Variants in TFDP2 observed in about 807,000 individuals in gnomAD.
The protein encoded by TFDP2 is transcription factor Dp-2 (E2F dimerization partner 2).
Under a neutral mutation model 59.3 loss-of-function variants are expected in TFDP2, and 17 were observed. The ratio of observed to expected loss-of-function variants is 0.29; its 90% CI spans 0.20 to 0.43. TFDP2 has a LOEUF of 0.43. Ranked by LOEUF, TFDP2 falls within the 20% of genes least tolerant of loss-of-function variation. The pLI, the probability that TFDP2 is intolerant of heterozygous loss-of-function variation, is 1.00. For synonymous variants in TFDP2, 180 were observed against 194.7 expected, an observed-to-expected ratio of 0.92 and a Z score of 0.63; for missense variants, 391 against 528.8, an observed-to-expected ratio of 0.74 and a Z score of 2.56.
chr3:142,111,883 T>G (rs2061677810), intron 1 of TFDP2, among the ~76,000 whole-genome samples: 1 of 152,042 alleles, frequency 6.6e-6, no homozygotes, highest in African/African-American at 2.4e-5. Context: ...TTGGACAACA[T>G]AGCGAAACCC....
rs78624887 is a variant in TFDP2 at position 142,023,661 on chromosome 3, T to C, written c.83-18117A>G. Among the ~76,000 whole-genome samples, 455 of 152,346 alleles carry C rather than the reference T, an allele frequency of 3.0e-3. 5 individuals carry two copies. Among genetic ancestry groups the C allele is most frequent in the East Asian group, 0.026 (135 of 5,190 alleles). ...GCTCACTCAAAACTGCAGTAAGTTA[T>C]TGATATTATAATCTCAACAATATAT... On this transcript the variant is annotated intron_variant, in intron 3 of 12. Transcript: ENST00000489671.
chr3:141,981,790 G>T (rs761798049), intron 6 of TFDP2, among the ~76,000 whole-genome samples: 1 of 152,100 alleles, frequency 6.6e-6, no homozygotes, highest in Non-Finnish European at 1.5e-5. Context: ...CAACTGAGAG[G>T]GTATTGCAAT....
intron 3 of TFDP2, among the ~76,000 whole-genome samples, chr3:142,025,059 T>C (rs967871514): frequency 6.6e-6 from 1 of 152,032 alleles, no homozygotes; most frequent in Non-Finnish European, 1.5e-5. Context: ...ATATTTAAAT[T>C]GATTATGACT....
At chr3:142,118,207 A>G (rs1241450362) in intron 1 of TFDP2, among the ~76,000 whole-genome samples, 5 of 152,178 alleles carry the variant, frequency 3.3e-5, no homozygotes, top group Admixed American at 1.3e-4. Context: ...TACCATCATC[A>G]CTACAAATTC....
At chr3:142,023,137 A>G (rs576521681) in intron 3 of TFDP2, among the ~76,000 whole-genome samples, 44 of 151,142 alleles carry the variant, frequency 2.9e-4, no homozygotes, top group African/African-American at 1.0e-3. Flanking sequence ...AAAAAAAAAA[A>G]AAAAAAGAAA....
At chr3:141,991,468 T>TA (rs1294513521) in intron 6 of TFDP2, among the ~76,000 whole-genome samples, 3 of 151,566 alleles carry the variant, frequency 2.0e-5, no homozygotes, top group South Asian at 2.1e-4. Context: ...AAGTAAAAAA[T>TA]AAAAAAAAGG....
intron 9 of TFDP2, among the ~76,000 whole-genome samples, chr3:141,968,700 CAT>C (rs1415424834): frequency 9.5e-6 from 1 of 104,752 alleles, no homozygotes; most frequent in Admixed American, 1.2e-4. Context: ...ATATATAACA[CAT>C]ATATATCTCA....
intron 3 of TFDP2, among the ~76,000 whole-genome samples, chr3:142,038,696 T>A (rs923279726): frequency 6.6e-6 from 1 of 152,130 alleles, no homozygotes; most frequent in Admixed American, 6.6e-5. Flanking sequence ...ACAATTAATG[T>A]TTTGTGTACA....
intron 1 of TFDP2, among the ~76,000 whole-genome samples, chr3:142,144,799 C>A (rs2063107187): frequency 6.6e-6 from 1 of 152,184 alleles, no homozygotes; most frequent in Non-Finnish European, 1.5e-5. Context: ...CTCGGCCTCC[C>A]AAAGCACTGG....
At chr3:142,129,221 A>G (rs2062397739) in intron 1 of TFDP2, among the ~76,000 whole-genome samples, 1 of 152,122 alleles carries the variant, frequency 6.6e-6, no homozygotes, top group South Asian at 2.1e-4. Flanking sequence ...AAAATCAACC[A>G]ACAGCAAAGG....
chr3:141,996,790 A>G (rs995887884), intron 4 of TFDP2, among the ~76,000 whole-genome samples: 3 of 152,248 alleles, frequency 2.0e-5, no homozygotes, highest in Non-Finnish European at 4.4e-5. Flanking sequence ...ATGTTTGACT[A>G]TGTTAGCTTG....
intron 3 of TFDP2, among the ~76,000 whole-genome samples, chr3:142,047,798 G>C (rs929389607): frequency 1.4e-5 from 2 of 146,330 alleles, no homozygotes; most frequent in African/African-American, 5.1e-5. Context: ...AGTGCAGTCA[G>C]TGGCGCGATC....
At chr3:142,017,548 C>CTT (rs10535313) in intron 3 of TFDP2, among the ~76,000 whole-genome samples, 66 of 87,188 alleles carry the variant, frequency 7.6e-4, no homozygotes, top group East Asian at 1.3e-3. Context: ...CAAAAATATT[C>CTT]TTTTTTTTTT....
intron 1 of TFDP2, among the ~76,000 whole-genome samples, chr3:142,123,968 T>C (rs1415836219): frequency 1.3e-5 from 2 of 152,130 alleles, no homozygotes; most frequent in Admixed American, 1.3e-4. Flanking sequence ...AGCAGCTTAC[T>C]TATACACAAG....
rs542772257 is a variant in TFDP2 at position 142,113,711 on chromosome 3, T to C, written c.-92-11870A>G. 3.9e-5 allele frequency among the ~76,000 whole-genome samples: 6 copies of C among 152,322 alleles called. 1 individual carries two copies. In the South Asian group the frequency reaches 8.3e-4, roughly 21 times the overall value. On this transcript the variant is annotated intron_variant, in intron 1 of 12. Transcript: ENST00000489671. ...ATTCCAAGATGACAAAAATGGGGCATTCAAAAGGAAGCAATTGGAGAAGAA... is the reference window on the plus strand; with the variant it reads ...ATTCCAAGATGACAAAAATGGGGCACTCAAAAGGAAGCAATTGGAGAAGAA...
Position 141,946,055 on chromosome 3 carries a change from C to T in TFDP2, c.*6458G>A, listed in dbSNP as rs1935216489. ...CCACTTCTACCCCTCAGCTGTTTGG[C>T]ACTTGGTGACACAGGACTGATGCTA... On this transcript the variant is annotated 3_prime_UTR_variant, in exon 13 of 13. Transcript: ENST00000489671. 1 of 152,286 alleles carries T rather than the reference C, an allele frequency of 6.6e-6. No homozygotes were observed. The highest frequency in any genetic ancestry group is 6.5e-5 in the Admixed American group (1 of 15,282). The allele number at this position is 152,286 out of a possible 1,614,324, so 9.4% of individuals were successfully genotyped here. A position where few individuals can be genotyped will look rare whatever the true frequency, so the allele number is the denominator to read the frequency against.
In TFDP2 at chr3:142,081,319, G is replaced by A. The variant is rs116192520; in HGVS notation, c.82+11742C>T. ...AGAAACACAACACACCAAAACCTAT[G>A]GGATATAGTGAAAGAAGCACTAAGA... On this transcript the variant is annotated intron_variant, in intron 3 of 12. Coordinates refer to ENST00000489671, the MANE Select transcript of TFDP2 (RefSeq NM_001178139.2). 2.2e-3 allele frequency among the ~76,000 whole-genome samples: 338 copies of A among 152,118 alleles called. 1 individual carries two copies. The highest frequency in any genetic ancestry group is 7.4e-3 in the African/African-American group (308 of 41,522).
At chr3:142,072,290 G>A (rs2060274427) in intron 3 of TFDP2, among the ~76,000 whole-genome samples, 1 of 152,198 alleles carries the variant, frequency 6.6e-6, no homozygotes, top group Non-Finnish European at 1.5e-5. Context: ...CTGTAGTTTA[G>A]AAAGATCAAC....
intron 3 of TFDP2, chr3:142,054,074 A>G (rs2059658697): frequency 6.6e-6 from 1 of 152,244 alleles, no homozygotes. Context: ...ACTTTGGGAA[A>G]CATGTTTGGT....
Sources: gnomAD v4.1 joint callset for allele counts (sites outside exome capture counted in the v4.1 genomes callset) on GRCh38, gnomAD v4.1.1 for gene constraint, MANE v1.5 for transcripts, NCBI Gene and HGNC (gene_info 2026-07-23, HGNC 2026-07-21) for gene names.